Variants in TBC1D19 observed in about 807,000 individuals in gnomAD.
TBC1D19 encodes the protein TBC1 domain family, member 19.
A neutral mutation model predicts 89.0 loss-of-function variants in TBC1D19; 60 were observed. That is an observed-to-expected ratio of 0.67 (90% CI 0.55 to 0.84). TBC1D19 has a LOEUF of 0.84. Ranked by LOEUF, TBC1D19 falls within the 40% of genes least tolerant of loss-of-function variation. The pLI is 0.00. For missense variants in TBC1D19, 500 were observed against 610.8 expected, an observed-to-expected ratio of 0.82 and a Z score of 1.91; for synonymous variants, 189 against 199.7, an observed-to-expected ratio of 0.95 and a Z score of 0.45.
intron 4 of TBC1D19, among the ~76,000 whole-genome samples, chr4:26,627,026 C>T (rs1470879601): frequency 6.6e-6 from 1 of 151,872 alleles, no homozygotes; most frequent in Non-Finnish European, 1.5e-5. Flanking sequence ...TCTCCTAATA[C>T]TATCCCTCCC....
chr4:26,707,757 A>C (rs1039017691), intron 13 of TBC1D19, among the ~76,000 whole-genome samples: 33 of 151,924 alleles, frequency 2.2e-4, no homozygotes, highest in Non-Finnish European at 1.0e-4. Context: ...TATATTTAAC[A>C]ACCTAAAATT....
chr4:26,593,816 C>T (rs998686523), intron 1 of TBC1D19, among the ~76,000 whole-genome samples: 1 of 152,162 alleles, frequency 6.6e-6, no homozygotes, highest in South Asian at 2.1e-4. Flanking sequence ...GTTAGAATGG[C>T]GATCATTAAA....
the TBC1D19 span, among the ~76,000 whole-genome samples, chr4:26,829,346 T>G: frequency 2.6e-5 from 4 of 152,162 alleles, no homozygotes; most frequent in Non-Finnish European, 5.9e-5. Flanking sequence ...AAAAACACAT[T>G]TCAGATTTAG....
At chr4:26,628,265 T>C (rs1452838155) in intron 4 of TBC1D19, among the ~76,000 whole-genome samples, 1 of 152,192 alleles carries the variant, frequency 6.6e-6, no homozygotes, top group Non-Finnish European at 1.5e-5. Context: ...TTGGTACCAG[T>C]ACCATGCTGT....
At chr4:26,856,065 A>C in the TBC1D19 span, among the ~76,000 whole-genome samples, 1 of 124,754 alleles carries the variant, frequency 8.0e-6, no homozygotes, top group Non-Finnish European at 2.0e-5. Context: ...TCACTCAAAC[A>C]TATTCCTCCA....
At chr4:26,857,780 G>A in the TBC1D19 span, 1 of 152,344 alleles carries the variant, frequency 6.6e-6, no homozygotes, top group African/African-American at 2.4e-5. Flanking sequence ...TGGGCTGTGC[G>A]GGAGCGAGGG....
chr4:26,583,042 C>T (rs1409821787), upstream of TBC1D19, among the ~76,000 whole-genome samples: 3 of 152,130 alleles, frequency 2.0e-5, no homozygotes, highest in Non-Finnish European at 4.4e-5. Context: ...TGAATGAGAT[C>T]TCTTTGTTTC....
At chr4:26,667,075 A>G (rs2109094176) in intron 9 of TBC1D19, among the ~76,000 whole-genome samples, 1 of 152,060 alleles carries the variant, frequency 6.6e-6, no homozygotes, top group South Asian at 2.1e-4. Context: ...GGCTCTTACC[A>G]CTATTATAAT....
In TBC1D19 at chr4:26,731,395, G is replaced by A. The variant is rs144070872; in HGVS notation, c.1085-4060G>A. 2.0e-5 allele frequency among the ~76,000 whole-genome samples: 3 copies of A among 152,088 alleles called. 1 individual carries two copies. Among genetic ancestry groups the A allele is most frequent in the African/African-American group, 4.8e-5 (2 of 41,486 alleles). On this transcript the variant is annotated intron_variant, in intron 15 of 20. Coordinates refer to ENST00000264866, the MANE Select transcript of TBC1D19 (RefSeq NM_018317.4). ...ACAGAGAAGGAATGAAGACTGAAGA[G>A]TTAAGTGGTCCTTATCCAAAAGAGA...
chr4:26,772,296 A>C, the TBC1D19 span, among the ~76,000 whole-genome samples: 1 of 152,076 alleles, frequency 6.6e-6, no homozygotes, highest in African/African-American at 2.4e-5. Flanking sequence ...CTACCCCCTC[A>C]CCAGACTTGG....
At chr4:26,749,648 T>A (rs1391326349) in intron 19 of TBC1D19, among the ~76,000 whole-genome samples, 1 of 152,068 alleles carries the variant, frequency 6.6e-6, no homozygotes, top group Non-Finnish European at 1.5e-5. Context: ...GGTTTTACCA[T>A]GTTGGCCAGG....
chr4:26,666,472 T>C (rs1577903998), intron 9 of TBC1D19, 67 bp downstream of exon 9: 2 of 1,348,108 alleles, frequency 1.5e-6, no homozygotes, highest in Non-Finnish European at 2.0e-6. Flanking sequence ...TATATTGCTA[T>C]TTCCAAGTTA....
chr4:26,606,168 T>A (rs755034273), intron 1 of TBC1D19, among the ~76,000 whole-genome samples: 15 of 152,058 alleles, frequency 9.9e-5, no homozygotes, highest in Non-Finnish European at 1.9e-4. Flanking sequence ...ATCAGTAATT[T>A]TTAAGAGTGA....
chr4:26,757,944 G>A (rs558935859), downstream of TBC1D19, among the ~76,000 whole-genome samples: 5 of 152,234 alleles, frequency 3.3e-5, no homozygotes, highest in East Asian at 9.6e-4. Context: ...TCATCGCTTG[G>A]TCTTTTCATT....
In TBC1D19 at chr4:26,709,122, C is replaced by T. The variant is rs1300981004; in HGVS notation, c.955-8811C>T. On this transcript the variant is annotated intron_variant, in intron 13 of 20. Coordinates refer to ENST00000264866, the MANE Select transcript of TBC1D19 (RefSeq NM_018317.4). ...GAAATCAGATTCTTTTTCTTCCCAG[C>T]GTTTTTGTTGTTGTTGTTATTGTTT... Among the ~76,000 whole-genome samples, 18 of 151,776 alleles carry T rather than the reference C, an allele frequency of 1.2e-4. No homozygotes were observed. The Admixed American group carries it at 1.2e-3, about 10-fold the overall frequency.
chr4:26,833,879 T>C, the TBC1D19 span, among the ~76,000 whole-genome samples: 1 of 152,182 alleles, frequency 6.6e-6, no homozygotes, highest in South Asian at 2.1e-4. Context: ...GCCTATACTT[T>C]TATGTAGAAA....
chr4:26,655,368 G>A lies in TBC1D19; in HGVS notation c.481-4229G>A, dbSNP rs373843949. On this transcript the variant is annotated intron_variant, in intron 7 of 20. Coordinates refer to ENST00000264866, the MANE Select transcript of TBC1D19 (RefSeq NM_018317.4). ...TATCCGTTCTCAGATCTCAAGCTGCGTGCTGGGAGAACCACTACTCTCTTC... is the reference window on the plus strand; with the variant it reads ...TATCCGTTCTCAGATCTCAAGCTGCATGCTGGGAGAACCACTACTCTCTTC... Among the ~76,000 whole-genome samples, 27 of 152,292 alleles carry A rather than the reference G, an allele frequency of 1.8e-4. 1 individual carries two copies. The South Asian group carries it at 3.1e-3, about 18-fold the overall frequency.
intron 13 of TBC1D19, among the ~76,000 whole-genome samples, chr4:26,699,869 G>T (rs1051350748): frequency 2.0e-5 from 3 of 151,480 alleles, no homozygotes; most frequent in Non-Finnish European, 2.9e-5. Context: ...GTTTTGGGGT[G>T]GGGGGAAGGG....
intron 19 of TBC1D19, 73 bp downstream of exon 19, chr4:26,748,599 C>A (rs114060287): frequency 2.8e-6 from 3 of 1,062,076 alleles, no homozygotes; most frequent in East Asian, 2.4e-5. Flanking sequence ...TAACATTCAC[C>A]ATCCGTAACT....
Sources: allele counts gnomAD v4.1 joint callset (sites outside exome capture counted in the v4.1 genomes callset), GRCh38; gene constraint gnomAD v4.1.1; transcripts MANE v1.5; gene names NCBI Gene and HGNC (gene_info 2026-07-23, HGNC 2026-07-21).